The following BEND7 variants were observed in gnomAD, a reference collection of about 807,000 sequenced individuals.
BEND7 encodes BEN domain-containing protein 7.
In BEND7, 28 loss-of-function variants were observed where a neutral mutation model predicts 50.9. The observed-to-expected ratio is 0.55, with a 90% confidence interval of 0.41 to 0.75. The LOEUF (loss-of-function observed/expected upper bound fraction) is 0.75. Among genes scored for constraint, BEND7 ranks in the 30% least tolerant of loss-of-function variants. The pLI is 0.00. For synonymous variants in BEND7, 170 were observed against 183.9 expected (o/e 0.92, Z 0.61); for missense variants, 477 against 491.3 (o/e 0.97, Z 0.28).
intron 2 of BEND7, among the ~76,000 whole-genome samples, chr10:13,516,983 A>G (rs2132581418): frequency 6.6e-6 from 1 of 152,170 alleles, no homozygotes; most frequent in Admixed American, 6.6e-5. Context: ...GTTGATTGGA[A>G]TATCTGGTTA....
At chr10:13,514,320 C>G (rs899754585) in intron 2 of BEND7, among the ~76,000 whole-genome samples, 1 of 152,206 alleles carries the variant, frequency 6.6e-6, no homozygotes, top group South Asian at 2.1e-4. Flanking sequence ...AAAACCACCA[C>G]CACTGATGTG....
chr10:13,447,963 C>T (rs1052883858), intron 7 of BEND7, among the ~76,000 whole-genome samples: 8 of 152,038 alleles, frequency 5.3e-5, no homozygotes, highest in Non-Finnish European at 7.4e-5. Flanking sequence ...TTGGCATCGC[C>T]GGAACCACTC....
At chr10:13,484,807 T>C (rs975256215) in intron 5 of BEND7, among the ~76,000 whole-genome samples, 3 of 152,202 alleles carry the variant, frequency 2.0e-5, no homozygotes, top group African/African-American at 7.2e-5. Context: ...TAAATTTGGA[T>C]TTTCATCTAT....
At position 13,456,565 on chromosome 10, in the gene BEND7, T is replaced by A. The variant is rs532585856; in HGVS notation, c.1064-3907A>T. Among the ~76,000 whole-genome samples, 237 of 151,890 alleles carry A rather than the reference T, an allele frequency of 1.6e-3. 1 individual carries two copies. The highest frequency in any genetic ancestry group is 2.2e-3 in the Admixed American group (34 of 15,262). ...GGAGAATTAATGACTGGGGAGAAAA[T>A]CAACCAGGTTGCCCAATGTATGATA... On this transcript the variant is annotated intron_variant, in intron 6 of 8. Coordinates refer to ENST00000466271, the MANE Select transcript of BEND7 (RefSeq NM_001369863.1).
intron 6 of BEND7, among the ~76,000 whole-genome samples, chr10:13,458,163 G>A (rs1295378338): frequency 6.6e-6 from 1 of 152,226 alleles, no homozygotes. Context: ...TTTCCCAGAT[G>A]CTAGCATTCA....
chr10:13,520,730 A>C (rs751653770), intron 2 of BEND7, among the ~76,000 whole-genome samples: 2 of 152,150 alleles, frequency 1.3e-5, no homozygotes, highest in Non-Finnish European at 2.9e-5. Flanking sequence ...CCATTTGTAA[A>C]ACATGAGGCC....
chr10:13,439,152 C>T, downstream of BEND7: 1 of 1,569,498 alleles, frequency 6.4e-7, no homozygotes. Flanking sequence ...TACACACACA[C>T]ATAAATAAGC....
At chr10:13,454,893 T>G (rs1838582548) in intron 6 of BEND7, among the ~76,000 whole-genome samples, 1 of 152,096 alleles carries the variant, frequency 6.6e-6, no homozygotes, top group Non-Finnish European at 1.5e-5. Context: ...TAAGAGAGGC[T>G]GGGCGCGGTG....
chr10:13,447,244 A>G lies in BEND7; in HGVS notation c.1234+22T>C, dbSNP rs1175112905. The G allele has an allele frequency of 4.3e-6, 7 of 1,613,278 alleles. No homozygotes were observed. The South Asian group carries it at 7.7e-5, about 18-fold the overall frequency. The stretch of plus-strand genomic sequence containing the variant: ...GCTGTATTTTCCAGGAGGTGATGAA[A>G]ATGTAAATGCGTTTTATTTACCTGT... On this transcript the variant is annotated intron_variant, in intron 8 of 8. Transcript: ENST00000466271.
rs138995261 is a variant in BEND7, at chr10:13,520,458, G to A, written c.145+5680C>T. Among the ~76,000 whole-genome samples the A allele has an allele frequency of 3.2e-3, 482 of 152,118 alleles. 3 individuals carry two copies. Among genetic ancestry groups the A allele is most frequent in the South Asian group, 0.013 (65 of 4,818 alleles). ...ACAGGGAGATGGGTCGGGTCAGACC[G>A]TGCATACTAGACACTCAGTGAAGGG... On this transcript the variant is annotated intron_variant, in intron 2 of 8. Coordinates refer to ENST00000466271, the MANE Select transcript of BEND7 (RefSeq NM_001369863.1).
At chr10:13,520,884 G>A (rs1160532783) in intron 2 of BEND7, among the ~76,000 whole-genome samples, 1 of 152,188 alleles carries the variant, frequency 6.6e-6, no homozygotes, top group African/African-American at 2.4e-5. Context: ...CACAGCTACC[G>A]AAACATATGT....
At chr10:13,508,463 T>C (rs1248641371) in intron 2 of BEND7, among the ~76,000 whole-genome samples, 1 of 152,148 alleles carries the variant, frequency 6.6e-6, no homozygotes, top group African/African-American at 2.4e-5. Context: ...GGCTCCACAC[T>C]GCATAGGCTG....
intron 8 of BEND7, chr10:13,443,087 A>G (rs950777292): frequency 2.6e-5 from 4 of 152,226 alleles, no homozygotes; most frequent in Admixed American, 6.5e-5. Context: ...ATAATGGACA[A>G]TGAACTCACT....
chr10:13,468,333 G>C (rs2074458115), intron 6 of BEND7, among the ~76,000 whole-genome samples: 1 of 152,190 alleles, frequency 6.6e-6, no homozygotes, highest in Non-Finnish European at 1.5e-5. Flanking sequence ...TGTCTATAAA[G>C]AGCGGGGAGA....
At chr10:13,518,698 T>A (rs929353953) in intron 2 of BEND7, among the ~76,000 whole-genome samples, 1 of 152,220 alleles carries the variant, frequency 6.6e-6, no homozygotes, top group Non-Finnish European at 1.5e-5. Context: ...CAAATCAACA[T>A]CAGAAATCCC....
intron 7 of BEND7, among the ~76,000 whole-genome samples, chr10:13,448,441 A>G (rs886433015): frequency 2.0e-5 from 3 of 152,218 alleles, no homozygotes; most frequent in Non-Finnish European, 2.9e-5. Context: ...CCTTGGCACC[A>G]TGTTGTAACA....
intron 4 of BEND7, among the ~76,000 whole-genome samples, chr10:13,493,241 G>C (rs2076795330): frequency 6.6e-6 from 1 of 152,204 alleles, no homozygotes. Flanking sequence ...AATTTAGATA[G>C]AGACGGCTGT....
downstream of BEND7, chr10:13,439,143 A>G (rs571750948): frequency 7.2e-6 from 11 of 1,528,218 alleles, no homozygotes; most frequent in African/African-American, 1.2e-4. Context: ...GATGGGTGAT[A>G]CACACACACA....
intron 5 of BEND7, among the ~76,000 whole-genome samples, chr10:13,488,186 T>C (rs2076382167): frequency 6.6e-6 from 1 of 151,012 alleles, no homozygotes; most frequent in East Asian, 1.9e-4. Flanking sequence ...ACTGGCATAA[T>C]CTAGTATTAC....
Sources: gnomAD v4.1 joint callset for allele counts (sites outside exome capture counted in the v4.1 genomes callset) on GRCh38, gnomAD v4.1.1 for gene constraint, MANE v1.5 for transcripts, NCBI Gene and HGNC (gene_info 2026-07-23, HGNC 2026-07-21) for gene names.